RARB: variants seen among roughly 807,000 people sequenced by gnomAD.
RARB encodes the protein HBV-activated protein.
In RARB, 17 loss-of-function variants were observed where a neutral mutation model predicts 51.9. That is an observed-to-expected ratio of 0.33 (90% confidence interval 0.22 to 0.49). RARB has a LOEUF of 0.49. Ranked by LOEUF, RARB falls within the 20% of genes least tolerant of loss-of-function variation. RARB has a pLI of 0.99. For synonymous variants in RARB, 215 were observed against 195.4 expected, an observed-to-expected ratio of 1.10 and a Z score of -0.84; for missense variants, 369 against 550.8, an observed-to-expected ratio of 0.67 and a Z score of 3.30.
chr3:24,979,575 T>G (rs1019052025), intron 2 of RARB, among the ~76,000 whole-genome samples: 2 of 152,088 alleles, frequency 1.3e-5, no homozygotes, highest in Admixed American at 6.6e-5. Flanking sequence ...CTGTTTTTTT[T>G]GTTTTGTTTT....
intron 5 of RARB, among the ~76,000 whole-genome samples, chr3:25,269,774 C>T (rs1483849): frequency 1.3e-5 from 2 of 152,048 alleles, no homozygotes; most frequent in Admixed American, 1.3e-4. Flanking sequence ...TATTTATAGC[C>T]TAAAACATCT....
intron 3 of RARB, among the ~76,000 whole-genome samples, chr3:25,553,768 T>G (rs748116006): frequency 2.6e-5 from 4 of 152,116 alleles, no homozygotes; most frequent in Non-Finnish European, 4.4e-5. Context: ...CTCATGAGAA[T>G]CGAAACATCC....
chr3:25,397,972 A>G (rs1032487353), intron 5 of RARB, among the ~76,000 whole-genome samples: 1 of 152,150 alleles, frequency 6.6e-6, no homozygotes, highest in African/African-American at 2.4e-5. Context: ...CCTTAAAATG[A>G]TATAATTTTT....
rs1413825514 is a variant in RARB, at chr3:25,146,499, G to GTTT, written c.-280+14292_-280+14294dup. ...CAGGCTATAATTTGCTAAGTTTTTT[G>GTTT]TTTGTTTGTTTGTTTTTTTTTTTTT... On this transcript the variant is annotated intron_variant, in intron 4 of 11. Transcript: ENST00000383772. 1.1e-3 allele frequency among the ~76,000 whole-genome samples: 119 copies of GTTT among 104,418 alleles called. 14 individuals carry two copies. Among genetic ancestry groups the GTTT allele is most frequent in the African/African-American group, 1.6e-3 (46 of 28,408 alleles). The allele number at this position is 104,418 out of a possible 152,430, so 68.5% of individuals were successfully genotyped here. A position where few individuals can be genotyped will look rare whatever the true frequency, so the allele number is the denominator to read the frequency against.
intron 5 of RARB, among the ~76,000 whole-genome samples, chr3:25,362,149 G>T (rs981103709): frequency 5.3e-5 from 8 of 152,212 alleles, no homozygotes; most frequent in Admixed American, 3.3e-4. Flanking sequence ...ATAAGCCCCT[G>T]TCTGGGGCTG....
At chr3:25,391,671 TG>T (rs767373863) in intron 5 of RARB, among the ~76,000 whole-genome samples, 22 of 152,324 alleles carry the variant, frequency 1.4e-4, no homozygotes, top group Non-Finnish European at 2.9e-4. Flanking sequence ...ATATGTTTGT[TG>T]GCCATTTGTA....
chr3:25,121,611 T>C (rs527833437), intron 3 of RARB, among the ~76,000 whole-genome samples: 2 of 152,312 alleles, frequency 1.3e-5, no homozygotes, highest in Admixed American at 6.5e-5. Context: ...GATTTGCTCT[T>C]CCTAAGGGTA....
At chr3:25,229,789 A>G (rs907579443) in intron 5 of RARB, among the ~76,000 whole-genome samples, 2 of 148,812 alleles carry the variant, frequency 1.3e-5, no homozygotes, top group African/African-American at 5.0e-5. Flanking sequence ...AGCCAATCCT[A>G]CCTTCGTGTT....
At chr3:25,543,065 A>G (rs771953965) in intron 3 of RARB, among the ~76,000 whole-genome samples, 20 of 152,220 alleles carry the variant, frequency 1.3e-4, no homozygotes, top group Non-Finnish European at 2.4e-4. Flanking sequence ...GTTGACATTT[A>G]TAACACCTGG....
chr3:25,438,886 A>C (rs1177513122), intron 1 of RARB, among the ~76,000 whole-genome samples: 1 of 152,210 alleles, frequency 6.6e-6, no homozygotes. Context: ...TCTACTATAA[A>C]CCAGTCTTTT....
intron 2 of RARB, among the ~76,000 whole-genome samples, chr3:25,055,145 G>A (rs1003786169): frequency 1.3e-5 from 2 of 152,064 alleles, no homozygotes; most frequent in Non-Finnish European, 2.9e-5. Context: ...AAAAGCCAAA[G>A]TTTCAGAAAT....
intron 5 of RARB, among the ~76,000 whole-genome samples, chr3:25,188,006 A>G (rs1451304755): frequency 1.3e-5 from 2 of 152,122 alleles, no homozygotes; most frequent in Non-Finnish European, 2.9e-5. Context: ...ATGTCGATGG[A>G]GAAATGAATG....
At position 25,461,307 on chromosome 3, in the gene RARB, A is replaced by G; in HGVS notation, c.272A>G (p.Tyr91Cys). 6.2e-7 allele frequency: 1 copy of G among 1,613,746 alleles called. No individual in the cohort carries two copies. The highest frequency in any genetic ancestry group is 8.5e-7 in the Non-Finnish European group (1 of 1,179,922). ...CFVCQDKSSG[Y>C]HYGVSACEGC... is the part of the protein sequence containing the mutation. ...GTCTGCCAGGACAAATCATCAGGGTACCACTATGGGGTCAGCGCCTGTGAG... is the reference window on the plus strand; with the variant it reads ...GTCTGCCAGGACAAATCATCAGGGTGCCACTATGGGGTCAGCGCCTGTGAG... The change falls in exon 2 of 8, where the codon TAC becomes TGC. Residue 91 changes from tyrosine to cysteine, a missense_variant. Coordinates refer to ENST00000330688, the MANE Select transcript of RARB (RefSeq NM_000965.5).
chr3:25,251,898 G>C (rs1365867880), intron 5 of RARB, among the ~76,000 whole-genome samples: 1 of 151,972 alleles, frequency 6.6e-6, no homozygotes, highest in East Asian at 1.9e-4. Context: ...GTCTTTGCTT[G>C]TGTTTTTGGT....
intron 2 of RARB, among the ~76,000 whole-genome samples, chr3:25,029,407 G>C (rs4482635): frequency 2.0e-5 from 3 of 152,184 alleles, no homozygotes; most frequent in Non-Finnish European, 4.4e-5. Context: ...TAAATAAATT[G>C]AGTGAATTGG....
At chr3:24,910,468 T>C (rs527630154) in intron 2 of RARB, among the ~76,000 whole-genome samples, 3 of 152,340 alleles carry the variant, frequency 2.0e-5, no homozygotes, top group African/African-American at 7.2e-5. Context: ...ATATGAGCTT[T>C]GTAATTTTTT....
intron 5 of RARB, among the ~76,000 whole-genome samples, chr3:25,294,026 T>G (rs971286135): frequency 3.9e-5 from 6 of 152,112 alleles, no homozygotes; most frequent in Non-Finnish European, 7.4e-5. Flanking sequence ...GACAATAACT[T>G]CGGAGGAGGT....
Position 25,461,240 on chromosome 3 carries a change from C to A in RARB, c.205C>A (p.Pro69Thr), listed in dbSNP as rs775696671. The A allele has an allele frequency of 6.2e-7, 1 of 1,613,984 alleles. No homozygotes were observed. The highest frequency in any genetic ancestry group is 1.1e-5 in the South Asian group (1 of 91,062). ...CTCTGAGGAACTCGTCCCAAGCCCC[C>A]CATCTCCACTTCCTCCCCCTCGAGT... The part of the protein sequence containing the change: ...TSSEELVPSP[P>T]SPLPPPRVYK... The change falls in exon 2 of 8, where the codon CCA becomes ACA. Residue 69 changes from proline (P) to threonine (T), a missense_variant. Pro to Thr is a conservative substitution (Grantham distance 38). This residue lies in a region of RARB where 99 missense variants were observed against 95.1 expected (regional missense o/e 1.04). Coordinates refer to ENST00000330688, the MANE Select transcript of RARB (RefSeq NM_000965.5).
intron 5 of RARB, among the ~76,000 whole-genome samples, chr3:25,300,020 T>A (rs1238332635): frequency 6.6e-6 from 1 of 152,242 alleles, no homozygotes; most frequent in Non-Finnish European, 1.5e-5. Flanking sequence ...TTGATTCGAT[T>A]TCAACACTAA....
Sources: gnomAD v4.1 joint callset for allele counts (sites outside exome capture counted in the v4.1 genomes callset) on GRCh38, gnomAD v4.1.1 for gene constraint, gnomAD v4.1.1 regional missense constraint, MANE v1.5 for transcripts, NCBI Gene and HGNC (gene_info 2026-07-23, HGNC 2026-07-21) for gene names.